SP110: variants seen among roughly 807,000 people sequenced by gnomAD.
SP110 encodes SP110 nuclear body protein.
SP110 carries 62 observed loss-of-function variants against 92.7 expected under a neutral mutation model. That is an observed-to-expected ratio of 0.67 (90% CI 0.55 to 0.83). SP110 has a LOEUF of 0.83. SP110 is among the 40% of genes least tolerant of loss of function. The pLI is 0.00. For missense variants in SP110, 793 were observed against 863.9 expected (o/e 0.92, Z 1.03); for synonymous variants, 273 against 305.3 (o/e 0.89, Z 1.10).
At chr2:230,212,232 T>C (rs2044568256) in intron 5 of SP110, 115 bp downstream of exon 5, 1 of 778,192 alleles carries the variant, frequency 1.3e-6, no homozygotes, top group African/African-American at 1.7e-5. Context: ...TCTTTTCCTT[T>C]GTATTGCTCA....
chr2:230,206,250 A>T (rs2043785450), intron 8 of SP110, among the ~76,000 whole-genome samples: 1 of 152,040 alleles, frequency 6.6e-6, no homozygotes, highest in South Asian at 2.1e-4. Flanking sequence ...TCCTTCCCAC[A>T]CAACTGGCTC....
At chr2:230,210,268 T>A (rs987573652) in intron 6 of SP110, among the ~76,000 whole-genome samples, 1 of 152,168 alleles carries the variant, frequency 6.6e-6, no homozygotes, top group Non-Finnish European at 1.5e-5. Context: ...GATTATCTTA[T>A]GGATGGAAGA....
upstream of SP110, among the ~76,000 whole-genome samples, chr2:230,224,012 C>G (rs970193530): frequency 6.6e-6 from 1 of 152,082 alleles, no homozygotes; most frequent in Non-Finnish European, 1.5e-5. Context: ...TATGCCTGGC[C>G]CAGGAATCCC....
At chr2:230,206,730 C>T (rs950029649) in intron 8 of SP110, among the ~76,000 whole-genome samples, 8 of 148,934 alleles carry the variant, frequency 5.4e-5, no homozygotes, top group Admixed American at 2.0e-4. Flanking sequence ...GCCCTAGTCC[C>T]GGAGACACAG....
intron 2 of SP110, 77 bp from the exon 3 acceptor site, chr2:230,215,195 T>C: frequency 2.5e-6 from 3 of 1,204,420 alleles, no homozygotes; most frequent in Non-Finnish European, 3.7e-6. Flanking sequence ...GTTTTCTAAG[T>C]TTTAAGAAAG....
chr2:230,223,033 G>C (rs2148988640), upstream of SP110, among the ~76,000 whole-genome samples: 1 of 147,242 alleles, frequency 6.8e-6, no homozygotes, highest in Middle Eastern at 3.6e-3. Context: ...TCATCAATCA[G>C]TCTGACTTTT....
intron 11 of SP110, 56 bp from the exon 12 acceptor site, chr2:230,183,696 T>A: frequency 9.0e-7 from 1 of 1,113,620 alleles, no homozygotes; most frequent in Non-Finnish European, 1.4e-6. Context: ...ATAAGCCTCA[T>A]AGGTTAACAA....
chr2:230,207,900 T>C, intron 8 of SP110, 91 bp downstream of exon 8: 1 of 711,332 alleles, frequency 1.4e-6, no homozygotes, highest in Admixed American at 2.3e-5. Flanking sequence ...CCCATTGCAT[T>C]TAGAATAAAA....
At position 230,166,605 on chromosome 2, in the gene SP110, C is replaced by T. The variant is rs72992486; in HGVS notation, c.*2519G>A. Among the ~76,000 whole-genome samples the T allele has an allele frequency of 0.052, 7,887 of 152,210 alleles. 296 individuals are homozygous for T. The highest frequency in any genetic ancestry group is 0.082 in the Middle Eastern group (24 of 294). On this transcript the variant is annotated 3_prime_UTR_variant, in exon 19 of 19. Transcript: ENST00000258381. The stretch of plus-strand genomic sequence containing the variant: ...TAAATCTATAACAAACAAAAATAAA[C>T]TCCACAGAAATTTAGAAATCAACTT...
At chr2:230,219,191 C>CTCCA (rs1197299666) in intron 1 of SP110, among the ~76,000 whole-genome samples, 1 of 152,188 alleles carries the variant, frequency 6.6e-6, no homozygotes, top group African/African-American at 2.4e-5. Context: ...TGCCATTGCA[C>CTCCA]TCCAGCCTGG....
intron 8 of SP110, among the ~76,000 whole-genome samples, 159 bp downstream of exon 8, chr2:230,207,832 C>T (rs935623370): frequency 3.3e-5 from 5 of 152,134 alleles, no homozygotes; most frequent in East Asian, 1.9e-4. Flanking sequence ...TTCTTTACAC[C>T]GTAGCAAAAT....
At chr2:230,193,978 G>A (rs1239025088) in intron 10 of SP110, among the ~76,000 whole-genome samples, 2 of 152,192 alleles carry the variant, frequency 1.3e-5, no homozygotes, top group Non-Finnish European at 2.9e-5. Context: ...GTCATTGGTA[G>A]TGAACACTCA....
intron 18 of SP110, 133 bp downstream of exon 18, chr2:230,170,488 T>C: frequency 8.9e-7 from 1 of 1,120,558 alleles, no homozygotes. Context: ...GAGGTGGTTT[T>C]TTTTCTGTAA....
intron 7 of SP110, among the ~76,000 whole-genome samples, chr2:230,208,386 T>C (rs1209120511): frequency 6.6e-6 from 1 of 152,218 alleles, no homozygotes; most frequent in Non-Finnish European, 1.5e-5. Context: ...ATACATGTAA[T>C]GCAGATTCTT....
intron 10 of SP110, among the ~76,000 whole-genome samples, chr2:230,191,053 C>T (rs2042606845): frequency 6.6e-6 from 1 of 152,044 alleles, no homozygotes; most frequent in African/African-American, 2.4e-5. Context: ...TTCTTCGATT[C>T]CATATGAAAT....
chr2:230,181,480 T>C (rs982090046), intron 12 of SP110, among the ~76,000 whole-genome samples: 5 of 152,204 alleles, frequency 3.3e-5, no homozygotes, highest in Non-Finnish European at 7.3e-5. Flanking sequence ...CAAGGGCATG[T>C]CAGGGAGACC....
chr2:230,170,514 A>C, intron 18 of SP110, 107 bp downstream of exon 18: 1 of 1,329,008 alleles, frequency 7.5e-7, no homozygotes, highest in Non-Finnish European at 1.1e-6. Context: ...GTCTTGTTTG[A>C]GCTCTCCCCA....
chr2:230,192,444 A>G (rs2042679142), intron 10 of SP110, among the ~76,000 whole-genome samples: 1 of 152,230 alleles, frequency 6.6e-6, no homozygotes, highest in Non-Finnish European at 1.5e-5. Flanking sequence ...AAGTCTCAGG[A>G]TACAAAATCA....
chr2:230,216,722 T>A, intron 2 of SP110, 59 bp downstream of exon 2: 1 of 1,603,026 alleles, frequency 6.2e-7, no homozygotes, highest in Non-Finnish European at 8.5e-7. Context: ...TTTGAGACTT[T>A]AATAATCAGG....
Sources: gnomAD v4.1 joint callset for allele counts (sites outside exome capture counted in the v4.1 genomes callset) on GRCh38, gnomAD v4.1.1 for gene constraint, MANE v1.5 for transcripts, NCBI Gene and HGNC (gene_info 2026-07-23, HGNC 2026-07-21) for gene names.